The following OR6N2 variants were observed in gnomAD, a reference collection of about 807,000 sequenced individuals.
OR6N2 encodes olfactory receptor family 6 subfamily N member 2, also known as olfactory receptor 6N2.
For synonymous variants in OR6N2, 160 were observed against 138.3 expected, an observed-to-expected ratio of 1.16 and a Z score of -1.10; for missense variants, 399 against 379.7, an observed-to-expected ratio of 1.05 and a Z score of -0.42.
intron 1 of OR6N2, among the ~76,000 whole-genome samples, chr1:158,778,098 G>T (rs1196731649): frequency 1.3e-5 from 2 of 152,180 alleles, no homozygotes; most frequent in Admixed American, 1.3e-4. Context: ...AAGACTTAAA[G>T]AGTGAATTTT....
chr1:158,780,429 G>C (rs1488676575), intron 1 of OR6N2, among the ~76,000 whole-genome samples: 1 of 152,152 alleles, frequency 6.6e-6, no homozygotes, highest in African/African-American at 2.4e-5. Context: ...TCTGGGATAA[G>C]CATTTTCAAA....
Position 158,777,137 on chromosome 1 carries a change from G to C in OR6N2, c.499C>G (p.Pro167Ala). The change falls in exon 2 of 2, where the codon CCA becomes GCA. Residue 167 changes from proline to alanine, a missense_variant. By Grantham distance (27) the Pro-to-Ala change is conservative. Coordinates refer to ENST00000641131, the MANE Select transcript of OR6N2 (RefSeq NM_001005278.2). ...ISEVILASQLPFCAYNEIQHI... is the reference protein window; with the variant it reads ...ISEVILASQLAFCAYNEIQHI... ...TGGATTTCATTGTAAGCACAAAATG[G>C]GAGCTGGGAGGCAAGGATGACCTCA... The C allele has an allele frequency of 6.2e-7, 1 of 1,614,116 alleles. No homozygotes were observed. The highest frequency in any genetic ancestry group is 8.5e-7 in the Non-Finnish European group (1 of 1,180,028).
intron 1 of OR6N2, among the ~76,000 whole-genome samples, chr1:158,778,223 A>G (rs1198261642): frequency 2.6e-5 from 4 of 152,212 alleles, no homozygotes; most frequent in African/African-American, 4.8e-5. Flanking sequence ...GCAAGGTACA[A>G]TCTCTGCCAC....
chr1:158,777,325 A>C lies in OR6N2; in HGVS notation c.311T>G (p.Phe104Cys). The C allele has an allele frequency of 6.2e-7, 1 of 1,614,184 alleles. No individual in the cohort carries two copies. Among genetic ancestry groups the C allele is most frequent in the Non-Finnish European group, 8.5e-7 (1 of 1,180,016 alleles). Residue 104 changes from phenylalanine (F) to cysteine (C), a missense_variant, in exon 2 of 2, where the codon TTC becomes TGC. Transcript: ENST00000641131. Reference sequence around the variant, plus strand: ...GCATTCAGACGCTCCCAAGGAGTGGAAGAAGTAGGTCTGAAGGAGGCATCC... The same window carrying C: ...GCATTCAGACGCTCCCAAGGAGTGGCAGAAGTAGGTCTGAAGGAGGCATCC... ...FAGCLLQTYF[F>C]HSLGASECYL...
chr1:158,776,869 A>G lies in OR6N2; in HGVS notation c.767T>C (p.Ile256Thr), dbSNP rs1657611322. The G allele has an allele frequency of 6.2e-7, 1 of 1,614,064 alleles. No individual in the cohort carries two copies. Among genetic ancestry groups the G allele is most frequent in the Admixed American group, 1.7e-5 (1 of 60,000 alleles). Residue 256 changes from isoleucine (I) to threonine (T), a missense_variant, in exon 2 of 2, where the codon ATC becomes ACC. Ile to Thr is a moderately conservative substitution (Grantham distance 89). Coordinates refer to ENST00000641131, the MANE Select transcript of OR6N2 (RefSeq NM_001005278.2). ...AVVLIFFGSI[I>T]FMYVRLKKSY... ...CTTCTTTAGCCGCACATACATGAAGATGATGCTCCCAAAGAAGATGAGGAC... is the reference window on the plus strand; with the variant it reads ...CTTCTTTAGCCGCACATACATGAAGGTGATGCTCCCAAAGAAGATGAGGAC...
At chr1:158,778,244 A>T (rs1657659857) in intron 1 of OR6N2, among the ~76,000 whole-genome samples, 1 of 152,238 alleles carries the variant, frequency 6.6e-6, no homozygotes, top group African/African-American at 2.4e-5. Flanking sequence ...CAGGCAGCTT[A>T]CAACCCTGTA....
Position 158,776,846 on chromosome 1 carries a change from T to G in OR6N2, c.790A>C (p.Lys264Gln), listed in dbSNP as rs1211822061. Residue 264 changes from lysine to glutamine, a missense_variant, in exon 2 of 2, where the codon AAG (lysine) becomes CAG (glutamine). Transcript: ENST00000641131. Reference protein sequence around the residue: ...SIIFMYVRLKKSYSLTLDRTL... With the variant: ...SIIFMYVRLKQSYSLTLDRTL... ...CGGTCAAGGGTCAGGGAATAGCTCTTCTTTAGCCGCACATACATGAAGATG... is the reference window on the plus strand; with the variant it reads ...CGGTCAAGGGTCAGGGAATAGCTCTGCTTTAGCCGCACATACATGAAGATG... 6.2e-7 allele frequency: 1 copy of G among 1,614,190 alleles called. No individual in the cohort carries two copies.
Position 158,777,103 on chromosome 1 carries a change from A to C in OR6N2, c.533T>G (p.Phe178Cys), listed in dbSNP as rs1468632159. 6.2e-7 allele frequency: 1 copy of C among 1,614,216 alleles called. No individual in the cohort carries two copies. The highest frequency in any genetic ancestry group is 8.5e-7 in the Non-Finnish European group (1 of 1,180,040). Residue 178 changes from phenylalanine (F) to cysteine (C), a missense_variant, in exon 2 of 2, where the codon TTC becomes TGC. By Grantham distance (205) the Phe-to-Cys change is radical (BLOSUM62 -2). Coordinates refer to ENST00000641131, the MANE Select transcript of OR6N2 (RefSeq NM_001005278.2). ...GCTCAGCAAAGGTGGAAAGTCACAG[A>C]AAATGTGTTGGATTTCATTGTAAGC... is the stretch of plus-strand genomic sequence containing the variant. ...FCAYNEIQHI[F>C]CDFPPLLSLA...
intron 1 of OR6N2, among the ~76,000 whole-genome samples, chr1:158,780,846 G>C (rs904973415): frequency 6.6e-6 from 1 of 152,152 alleles, no homozygotes; most frequent in African/African-American, 2.4e-5. Context: ...GTCAGCACTT[G>C]ACCAATCTGT....
chr1:158,780,148 A>G (rs1657713622), intron 1 of OR6N2, among the ~76,000 whole-genome samples: 1 of 152,184 alleles, frequency 6.6e-6, no homozygotes. Context: ...ACTTTCCCTA[A>G]TCCTGTTGAA....
intron 1 of OR6N2, among the ~76,000 whole-genome samples, chr1:158,780,089 G>A (rs1266918667): frequency 1.3e-5 from 2 of 152,148 alleles, no homozygotes; most frequent in Non-Finnish European, 2.9e-5. Flanking sequence ...GCAATACAAA[G>A]CTTACAGTAT....
At position 158,777,027 on chromosome 1, in the gene OR6N2, A is replaced by AT. The variant is rs754765524; in HGVS notation, c.608dup (p.Asn203LysfsTer69). 6.2e-7 allele frequency: 1 copy of AT among 1,614,204 alleles called. No individual in the cohort carries two copies. On this transcript the variant is annotated frameshift_variant, in exon 2 of 2. Coordinates refer to ENST00000641131, the MANE Select transcript of OR6N2 (RefSeq NM_001005278.2). LOFTEE classifies it low-confidence loss of function (END_TRUNC). ...AGAAAGTGATAAGAATTATGAAAGCATTAATGGCAAAGTCCACCAGAATGT... is the reference window on the plus strand; with the variant it reads ...AGAAAGTGATAAGAATTATGAAAGCATTTAATGGCAAAGTCCACCAGAATGT...
At position 158,777,136 on chromosome 1, in the gene OR6N2, G is replaced by A. The variant is rs773345517; in HGVS notation, c.500C>T (p.Pro167Leu). The stretch of plus-strand genomic sequence containing the variant: ...TTGGATTTCATTGTAAGCACAAAAT[G>A]GGAGCTGGGAGGCAAGGATGACCTC... ...ISEVILASQL[P>L]FCAYNEIQHI... Residue 167 changes from proline (P) to leucine (L), a missense_variant, in exon 2 of 2, where the codon CCA becomes CTA. Coordinates refer to ENST00000641131, the MANE Select transcript of OR6N2 (RefSeq NM_001005278.2). 6.2e-7 allele frequency: 1 copy of A among 1,614,050 alleles called. No individual in the cohort carries two copies. The highest frequency in any genetic ancestry group is 1.3e-5 in the African/African-American group (1 of 74,930).
Position 158,775,071 on chromosome 1 carries a change from C to G in OR6N2, c.*1611G>C, listed in dbSNP as rs1475628648. On this transcript the variant is annotated 3_prime_UTR_variant, in exon 2 of 2. Transcript: ENST00000641131. ...ATAAAAAATCTGAAATAATTTGAGA[C>G]CAAATCTAGTTTATAGATACTTGTA... 6.6e-6 allele frequency: 1 copy of G among 152,222 alleles called. No homozygotes were observed. Among genetic ancestry groups the G allele is most frequent in the African/African-American group, 2.4e-5 (1 of 41,532 alleles). 9.4% of individuals were successfully genotyped at this position (152,222 alleles called of 1,614,324 possible).
chr1:158,778,917 G>A (rs1657676756), intron 1 of OR6N2, among the ~76,000 whole-genome samples: 1 of 150,616 alleles, frequency 6.6e-6, no homozygotes, highest in African/African-American at 2.4e-5. Flanking sequence ...TACTCCGGAG[G>A]CTGAGGCAGG....
chr1:158,777,859 A>G (rs1035057858), intron 1 of OR6N2, among the ~76,000 whole-genome samples: 23 of 152,186 alleles, frequency 1.5e-4, no homozygotes, highest in Non-Finnish European at 1.5e-5. Flanking sequence ...TTCAATATTT[A>G]CTTAATTTTT....
At chr1:158,780,771 G>A (rs745460590) in intron 1 of OR6N2, among the ~76,000 whole-genome samples, 8 of 152,202 alleles carry the variant, frequency 5.3e-5, no homozygotes, top group Admixed American at 2.0e-4. Flanking sequence ...CTCATTAGAT[G>A]TTCTCAGTCA....
chr1:158,774,872 T>C lies in OR6N2; in HGVS notation c.*1810A>G, dbSNP rs1225978650. The C allele has an allele frequency of 2.6e-5, 4 of 152,198 alleles. No individual in the cohort carries two copies. In the South Asian group the frequency reaches 8.3e-4, roughly 31 times the overall value. The allele number at this position is 152,198 out of a possible 1,614,324, so 9.4% of individuals were successfully genotyped here. A position where few individuals can be genotyped will look rare whatever the true frequency, so the allele number is the denominator to read the frequency against. The stretch of plus-strand genomic sequence containing the variant: ...GGTGAGTACAAATAGGGAAGACCGA[T>C]GCATTCTATAGAACAGTGGGTTTCA... On this transcript the variant is annotated 3_prime_UTR_variant, in exon 2 of 2. Coordinates refer to ENST00000641131, the MANE Select transcript of OR6N2 (RefSeq NM_001005278.2).
Position 158,777,358 on chromosome 1 carries a change from G to T in OR6N2, c.278C>A (p.Ser93Tyr), listed in dbSNP as rs775512282. Residue 93 changes from serine (S) to tyrosine (Y), a missense_variant, in exon 2 of 2, where the codon TCT becomes TAT. Coordinates refer to ENST00000641131, the MANE Select transcript of OR6N2 (RefSeq NM_001005278.2). ...GGTCTGAAGGAGGCATCCTGCAAAA[G>T]AAATGGTTTTCTTCTCACTGAGAAT... is the stretch of plus-strand genomic sequence containing the variant. ...SNILSEKKTI[S>Y]FAGCLLQTYF... 6.2e-7 allele frequency: 1 copy of T among 1,614,086 alleles called. No individual in the cohort carries two copies. Among genetic ancestry groups the T allele is most frequent in the South Asian group, 1.1e-5 (1 of 91,082 alleles).
Sources: gnomAD v4.1 joint callset for allele counts (sites outside exome capture counted in the v4.1 genomes callset) on GRCh38, gnomAD v4.1.1 for gene constraint, MANE v1.5 for transcripts, NCBI Gene and HGNC (gene_info 2026-07-23, HGNC 2026-07-21) for gene names.